The following MED1 variants were observed in gnomAD, a reference collection of about 807,000 sequenced individuals.
MED1 encodes the protein mediator of RNA polymerase II transcription subunit 1.
Under a neutral mutation model 121.3 loss-of-function variants are expected in MED1, and 17 were observed. The ratio of observed to expected loss-of-function variants is 0.14; its 90% CI spans 0.10 to 0.21. The LOEUF is 0.21. Among genes scored for constraint, MED1 ranks in the 10% least tolerant of loss-of-function variants. The probability of loss-of-function intolerance (pLI) is 1.00; values close to 1 mark genes in which losing one functional copy is unlikely to be tolerated. For missense variants in MED1, 1,558 were observed against 1,919.4 expected, an observed-to-expected ratio of 0.81 and a Z score of 3.52; for synonymous variants, 661 against 694.4, an observed-to-expected ratio of 0.95 and a Z score of 0.76.
chr17:39,442,988 C>T (rs1342999712), intron 3 of MED1, among the ~76,000 whole-genome samples: 3 of 147,118 alleles, frequency 2.0e-5, no homozygotes, highest in Non-Finnish European at 1.5e-5. Flanking sequence ...AAAACTTTTC[C>T]CAGGTATCTT....
chr17:39,412,804 A>G (rs990167352), intron 16 of MED1, among the ~76,000 whole-genome samples: 7 of 151,596 alleles, frequency 4.6e-5, no homozygotes, highest in Non-Finnish European at 8.8e-5. Context: ...CCAAAGTGCT[A>G]GGATTACAGG....
chr17:39,410,331 TGGC>T lies in MED1; in HGVS notation c.1887_1889del (p.Pro631del). 6.2e-7 allele frequency: 1 copy of T among 1,613,710 alleles called. No homozygotes were observed. The highest frequency in any genetic ancestry group is 1.1e-5 in the South Asian group (1 of 91,016). ...TGTTGCCGGCCATCGAAGAGACAGGTGGCGGCGTGTGATGAGGAGGGGTCGGAC... is the reference window on the plus strand; with the variant it reads ...TGTTGCCGGCCATCGAAGAGACAGGTGGCGTGTGATGAGGAGGGGTCGGAC... On this transcript the variant is annotated inframe_deletion, in exon 17 of 17. Transcript: ENST00000300651.
intron 14 of MED1, 38 bp from the exon 15 acceptor site, chr17:39,415,377 A>C: frequency 6.5e-7 from 1 of 1,542,838 alleles, no homozygotes; most frequent in Non-Finnish European, 8.9e-7. Context: ...ACAACCAAAT[A>C]TAAGACTTCA....
rs372083555 is a variant in MED1 at position 39,405,460 on chromosome 17, T to A, written c.*2015A>T. ...GAACAAATTTTAAAAACCACATAAA[T>A]TTTTTTTTTTTTCCTGCAGAAACCA... On this transcript the variant is annotated 3_prime_UTR_variant, in exon 17 of 17. Coordinates refer to ENST00000300651, the MANE Select transcript of MED1 (RefSeq NM_004774.4). 366 of 408,824 alleles carry A rather than the reference T, an allele frequency of 9.0e-4. 4 individuals carry two copies. The East Asian group carries it at 0.011, about 13-fold the overall frequency. The allele number at this position is 408,824 out of a possible 1,614,324, so 25.3% of individuals were successfully genotyped here.
At chr17:39,446,449 CAAAAA>C (rs71300068) in intron 2 of MED1, among the ~76,000 whole-genome samples, 1 of 61,924 alleles carries the variant, frequency 1.6e-5, no homozygotes. Flanking sequence ...CACTCCATCT[CAAAAA>C]AAAAAAAAAA....
Position 39,440,576 on chromosome 17 carries a change from A to T in MED1, c.266+47T>A, listed in dbSNP as rs751616250. 43 of 1,612,182 alleles carry T rather than the reference A, an allele frequency of 2.7e-5. No homozygotes were observed. Among genetic ancestry groups the T allele is most frequent in the Non-Finnish European group, 3.1e-5 (37 of 1,179,082 alleles). ...GAAGACACATAAATAAAGCCACCCA[A>T]AGTTAACACTAAGTTAAACATTTCT... On this transcript the variant is annotated intron_variant, in intron 4 of 16. Coordinates refer to ENST00000300651, the MANE Select transcript of MED1 (RefSeq NM_004774.4). This position sits in a 1 kb window ranked among gnomAD's most constrained non-coding sequence, Gnocchi z 4.1.
At position 39,434,307 on chromosome 17, in the gene MED1, CA is replaced by C. The variant is rs1567649497; in HGVS notation, c.441del (p.Phe147LeufsTer23). ...ELVQQLREKNFDEFSKHLKGL... is the reference protein window; with the variant it reads ...ELVQQLREKNXDEFSKHLKGL... ...CCCTTAAGGTGCTTAGAAAATTCATCAAAATTTTTTTCCCTATAAGGAGTTC... is the reference window on the plus strand; with the variant it reads ...CCCTTAAGGTGCTTAGAAAATTCATCAAATTTTTTTCCCTATAAGGAGTTC... On this transcript the variant is annotated frameshift_variant, in exon 7 of 17. Transcript: ENST00000300651. LOFTEE classifies it high-confidence loss of function. 1 of 1,563,056 alleles carries C rather than the reference CA, an allele frequency of 6.4e-7. No individual in the cohort carries two copies. The highest frequency in any genetic ancestry group is 8.6e-7 in the Non-Finnish European group (1 of 1,156,106).
chr17:39,417,669 T>C (rs933694055), intron 14 of MED1, among the ~76,000 whole-genome samples: 1 of 151,912 alleles, frequency 6.6e-6, no homozygotes, highest in Non-Finnish European at 1.5e-5. Context: ...ATAAAAGAGA[T>C]CTGATTTGCC....
intron 14 of MED1, among the ~76,000 whole-genome samples, chr17:39,417,267 T>C (rs1451841350): frequency 1.3e-5 from 2 of 151,616 alleles, no homozygotes; most frequent in African/African-American, 4.9e-5. Flanking sequence ...GAGGCAAAGG[T>C]TGCAGTGAGT....
At chr17:39,412,024 A>G (rs554065507) in intron 16 of MED1, among the ~76,000 whole-genome samples, 2 of 151,740 alleles carry the variant, frequency 1.3e-5, no homozygotes, top group East Asian at 3.9e-4. Context: ...AAAAAAAGAA[A>G]AGAAAAATCT....
chr17:39,429,114 G>A (rs1482485963), intron 9 of MED1, among the ~76,000 whole-genome samples: 1 of 151,780 alleles, frequency 6.6e-6, no homozygotes, highest in African/African-American at 2.4e-5. Context: ...GAAGCCAGGA[G>A]TTCAAGTCTA....
In MED1 at chr17:39,440,310, A is replaced by G; in HGVS notation, c.399+76T>C. The G allele has an allele frequency of 2.8e-6, 4 of 1,437,462 alleles. No individual in the cohort carries two copies. Among genetic ancestry groups the G allele is most frequent in the Non-Finnish European group, 3.7e-6 (4 of 1,081,282 alleles). 89.0% of individuals were successfully genotyped at this position (1,437,462 alleles called of 1,614,324 possible). Reference sequence around the variant, plus strand: ...AAAAACCTAAACCCAAGCTATTTAAACCCCAACAATTAATTTTAAAATTAA... The same window carrying G: ...AAAAACCTAAACCCAAGCTATTTAAGCCCCAACAATTAATTTTAAAATTAA... On this transcript the variant is annotated intron_variant, in intron 5 of 16. Transcript: ENST00000300651. This position sits in a 1 kb window ranked among gnomAD's most constrained non-coding sequence, Gnocchi z 4.1.
intron 6 of MED1, among the ~76,000 whole-genome samples, chr17:39,436,059 G>T (rs1399895033): frequency 6.6e-6 from 1 of 151,282 alleles, no homozygotes; most frequent in African/African-American, 2.4e-5. Context: ...GCAACAGAGT[G>T]ACACACCATC....
intron 6 of MED1, among the ~76,000 whole-genome samples, chr17:39,438,736 G>A (rs771602095): frequency 2.4e-4 from 36 of 152,176 alleles, no homozygotes; most frequent in Non-Finnish European, 4.4e-4. Flanking sequence ...GCCTCCCAAA[G>A]TGCTGGGATT....
Position 39,415,353 on chromosome 17 carries a change from A to G in MED1, c.1298-14T>C. 1.3e-6 allele frequency: 2 copies of G among 1,595,946 alleles called. No individual in the cohort carries two copies. Among genetic ancestry groups the G allele is most frequent in the Non-Finnish European group, 1.7e-6 (2 of 1,165,014 alleles). ...GCCCAGGAGAATCTAAAAGGCAAAGAGAAAGATCATAAAACAACCAAATAT... is the reference window on the plus strand; with the variant it reads ...GCCCAGGAGAATCTAAAAGGCAAAGGGAAAGATCATAAAACAACCAAATAT... On this transcript the variant is annotated splice_polypyrimidine_tract_variant and intron_variant, in intron 14 of 16. Transcript: ENST00000300651.
chr17:39,430,647 C>G (rs551082638), intron 9 of MED1, among the ~76,000 whole-genome samples: 1 of 147,058 alleles, frequency 6.8e-6, no homozygotes, highest in South Asian at 2.1e-4. Context: ...GAGCTGAGAT[C>G]GCGCCACTGT....
chr17:39,422,832 G>A (rs568362295), intron 13 of MED1, among the ~76,000 whole-genome samples: 16 of 145,776 alleles, frequency 1.1e-4, no homozygotes, highest in African/African-American at 4.0e-4. Flanking sequence ...GGAAGCTCAT[G>A]CCCTTTTACT....
intron 11 of MED1, among the ~76,000 whole-genome samples, chr17:39,424,130 G>A (rs989352035): frequency 3.3e-5 from 5 of 152,202 alleles, no homozygotes; most frequent in African/African-American, 1.2e-4. Flanking sequence ...TGTTCCACTT[G>A]CCTCAGCCTC....
intron 3 of MED1, among the ~76,000 whole-genome samples, chr17:39,442,104 A>AG (rs1235783885): frequency 2.0e-5 from 3 of 147,204 alleles, no homozygotes; most frequent in Non-Finnish European, 4.5e-5. Context: ...CACTGTCTCC[A>AG]GAAAAAAAAA....
Sources: allele counts gnomAD v4.1 joint callset (sites outside exome capture counted in the v4.1 genomes callset), GRCh38; gene constraint gnomAD v4.1.1; non-coding constraint Gnocchi (gnomAD v3.1); transcripts MANE v1.5; gene names NCBI Gene and HGNC (gene_info 2026-07-23, HGNC 2026-07-21).